Variants in PTCH1 observed in about 807,000 individuals in gnomAD.
PTCH1 encodes the protein protein patched homolog 1.
A neutral mutation model predicts 144.6 loss-of-function variants in PTCH1; 14 were observed. That is an observed-to-expected ratio of 0.10 (90% CI 0.06 to 0.15). The LOEUF (loss-of-function observed/expected upper bound fraction) is 0.15. Ranked by LOEUF, PTCH1 falls within the 10% of genes least tolerant of loss-of-function variation. PTCH1 has a pLI of 1.00. For synonymous variants in PTCH1, 833 were observed against 793.6 expected (o/e 1.05, Z -0.83); for missense variants, 1,623 against 1,948.3 (o/e 0.83, Z 3.14).
chr9:95,467,037 T>C (rs1840062894), intron 15 of PTCH1, 79 bp downstream of exon 15: 1 of 1,472,328 alleles, frequency 6.8e-7, no homozygotes, highest in Non-Finnish European at 9.4e-7. Context: ...TCTAACGCTC[T>C]CATAATCATG....
chr9:95,471,243 G>C (rs1299186380), intron 12 of PTCH1, among the ~76,000 whole-genome samples: 2 of 152,168 alleles, frequency 1.3e-5, no homozygotes, highest in African/African-American at 4.8e-5. Context: ...TTCCACAAAG[G>C]GCTTTGGATG....
chr9:95,444,740 C>T lies in PTCH1; in HGVS notation c.*1653G>A, dbSNP rs978040772. 1 of 152,308 alleles carries T rather than the reference C, an allele frequency of 6.6e-6. No homozygotes were observed. Among genetic ancestry groups the T allele is most frequent in the African/African-American group, 2.4e-5 (1 of 41,452 alleles). 9.4% of individuals were successfully genotyped at this position (152,308 alleles called of 1,614,324 possible). On this transcript the variant is annotated 3_prime_UTR_variant, in exon 24 of 24. Transcript: ENST00000331920. ...CCCTGCAGGGACCCCGCCCTTTCCT[C>T]TGACTTCTTGTCTGTAACAAGGTGC...
intron 2 of PTCH1, among the ~76,000 whole-genome samples, chr9:95,500,544 A>C (rs1454122094): frequency 6.6e-6 from 1 of 152,196 alleles, no homozygotes; most frequent in East Asian, 1.9e-4. Context: ...ATGCCCCCAC[A>C]ATGGCAACCC....
At chr9:95,471,219 A>G (rs1361158208) in intron 12 of PTCH1, among the ~76,000 whole-genome samples, 1 of 152,224 alleles carries the variant, frequency 6.6e-6, no homozygotes, top group Non-Finnish European at 1.5e-5. Context: ...CACCTAACAC[A>G]ATCCAGGGAG....
intron 2 of PTCH1, among the ~76,000 whole-genome samples, chr9:95,489,058 G>T (rs887767654): frequency 1.3e-5 from 2 of 152,326 alleles, no homozygotes; most frequent in South Asian, 4.1e-4. Context: ...GTGTCATAAA[G>T]TGCACGACAC....
intron 14 of PTCH1, among the ~76,000 whole-genome samples, chr9:95,468,158 C>T (rs1446394850): frequency 2.0e-5 from 3 of 152,166 alleles, no homozygotes; most frequent in African/African-American, 7.2e-5. Context: ...GCCTCGACTC[C>T]CTGGGCTCAG....
In PTCH1 at chr9:95,443,865, T is replaced by A. The variant is rs1032120640; in HGVS notation, c.*2528A>T. The A allele has an allele frequency of 6.6e-6, 1 of 152,630 alleles. No individual in the cohort carries two copies. Among genetic ancestry groups the A allele is most frequent in the Admixed American group, 6.5e-5 (1 of 15,278 alleles). 9.5% of individuals were successfully genotyped at this position (152,630 alleles called of 1,614,324 possible). On this transcript the variant is annotated 3_prime_UTR_variant, in exon 24 of 24. Coordinates refer to ENST00000331920, the MANE Select transcript of PTCH1 (RefSeq NM_000264.5). The stretch of plus-strand genomic sequence containing the variant: ...AATGAGACCCAGTTTGAATATTTAT[T>A]TCCTTTAAACTCCTTACCCTAAAAC...
At chr9:95,456,247 A>G in intron 19 of PTCH1, 29 bp downstream of exon 19, 1 of 1,606,614 alleles carries the variant, frequency 6.2e-7, no homozygotes, top group East Asian at 2.2e-5. Context: ...GTTTTTTCAC[A>G]AAGTTTTTGC....
chr9:95,465,533 T>C (rs1228049171), intron 15 of PTCH1, among the ~76,000 whole-genome samples: 3 of 152,238 alleles, frequency 2.0e-5, no homozygotes, highest in African/African-American at 7.2e-5. Context: ...TCTCTGTACC[T>C]TCCTCCAAAA....
chr9:95,475,339 C>T (rs1039390898), intron 12 of PTCH1, among the ~76,000 whole-genome samples: 1 of 152,084 alleles, frequency 6.6e-6, no homozygotes, highest in Admixed American at 6.5e-5. Context: ...GAGGGGCCCA[C>T]GTGCTCTGCA....
In PTCH1 at chr9:95,508,205, G is replaced by A. The variant is rs1266988083; in HGVS notation, c.157C>T (p.Pro53Ser). 3 of 1,612,422 alleles carry A rather than the reference G, an allele frequency of 1.9e-6. No homozygotes were observed. The highest frequency in any genetic ancestry group is 2.5e-6 in the Non-Finnish European group (3 of 1,179,736). ...AAPDRDYLHR[P>S]SYCDAAFALE... ...GCGAAGGCGGCGTCGCAGTAGCTGGGCCGGTGCAGATAGTCCCGGTCCGGC... is the reference window on the plus strand; with the variant it reads ...GCGAAGGCGGCGTCGCAGTAGCTGGACCGGTGCAGATAGTCCCGGTCCGGC... Residue 53 changes from proline to serine, a missense_variant, in exon 1 of 24, where the codon CCC becomes TCC. Coordinates refer to ENST00000331920, the MANE Select transcript of PTCH1 (RefSeq NM_000264.5).
chr9:95,477,840 G>A (rs1222368013), intron 9 of PTCH1, 138 bp from the exon 10 acceptor site: 13 of 1,446,620 alleles, frequency 9.0e-6, no homozygotes, highest in Middle Eastern at 2.0e-4. Context: ...CATCAAGGGC[G>A]TCACATAAAA....
chr9:95,471,407 T>C (rs1840570558), intron 12 of PTCH1, among the ~76,000 whole-genome samples: 1 of 152,178 alleles, frequency 6.6e-6, no homozygotes, highest in Non-Finnish European at 1.5e-5. Flanking sequence ...AACTGAAAAA[T>C]ATGAAGCATG....
In PTCH1 at chr9:95,508,618, G is replaced by C. The variant is rs1843948054; in HGVS notation, c.-257C>G. 1.0e-6 allele frequency: 1 copy of C among 992,034 alleles called. No homozygotes were observed. Among genetic ancestry groups the C allele is most frequent in the Non-Finnish European group, 1.2e-6 (1 of 834,850 alleles). 61.5% of individuals were successfully genotyped at this position (992,034 alleles called of 1,614,324 possible). ...GCGCCTTCCATTGCCACATTGCGCG[G>C]GGGTCCCGAGGTCTCTGCGGCCGCC... On this transcript the variant is annotated 5_prime_UTR_variant, in exon 1 of 24. Coordinates refer to ENST00000331920, the MANE Select transcript of PTCH1 (RefSeq NM_000264.5).
chr9:95,496,678 A>ATT (rs561318567), intron 2 of PTCH1, among the ~76,000 whole-genome samples: 1 of 151,616 alleles, frequency 6.6e-6, no homozygotes, highest in Non-Finnish European at 1.5e-5. Context: ...AACATGTGCA[A>ATT]TTTTTTTTTC....
intron 2 of PTCH1, among the ~76,000 whole-genome samples, chr9:95,504,959 C>T (rs1475170758): frequency 6.6e-6 from 1 of 152,116 alleles, no homozygotes; most frequent in African/African-American, 2.4e-5. Context: ...TCGATAAAAC[C>T]CTTCTTTTAT....
chr9:95,483,017 C>T (rs1329399088), intron 3 of PTCH1: 2 of 152,136 alleles, frequency 1.3e-5, no homozygotes, highest in Admixed American at 1.3e-4. Context: ...AAGAAAATTA[C>T]TTGATCCTGG....
chr9:95,465,016 C>T (rs915904532), intron 15 of PTCH1, among the ~76,000 whole-genome samples: 1 of 151,854 alleles, frequency 6.6e-6, no homozygotes, highest in African/African-American at 2.4e-5. Flanking sequence ...TGCTTAGCAC[C>T]AATGGATCTC....
At chr9:95,514,993 G>T (rs73527757) in intron 1 of PTCH1, among the ~76,000 whole-genome samples, 1 of 152,062 alleles carries the variant, frequency 6.6e-6, no homozygotes, top group Non-Finnish European at 1.5e-5. Flanking sequence ...AAGGAAGCTG[G>T]GTGACAACTG....
Sources: allele counts gnomAD v4.1 joint callset (sites outside exome capture counted in the v4.1 genomes callset), GRCh38; gene constraint gnomAD v4.1.1; transcripts MANE v1.5; gene names NCBI Gene and HGNC (gene_info 2026-07-23, HGNC 2026-07-21).